The following ITPR2 variants were observed in gnomAD, a reference collection of about 807,000 sequenced individuals.
The protein encoded by ITPR2 is inositol 1,4,5-trisphosphate receptor type 2.
In ITPR2, 207 loss-of-function variants were observed where a neutral mutation model predicts 317.1. The observed-to-expected ratio is 0.65, with a 90% CI of 0.58 to 0.73. The LOEUF is 0.73. Ranked by LOEUF, ITPR2 falls within the 30% of genes least tolerant of loss-of-function variation. The pLI, the probability that ITPR2 is intolerant of heterozygous loss-of-function variation, is 0.00. For missense variants in ITPR2, 2,613 were observed against 3,284.0 expected, an observed-to-expected ratio of 0.80 and a Z score of 4.99; for synonymous variants, 1,156 against 1,149.1, an observed-to-expected ratio of 1.01 and a Z score of -0.12.
chr12:26,425,707 A>G (rs1322961175), intron 49 of ITPR2, among the ~76,000 whole-genome samples: 2 of 151,702 alleles, frequency 1.3e-5, no homozygotes, highest in African/African-American at 2.4e-5. Flanking sequence ...GGTAGACCAC[A>G]ATGTATCATT....
chr12:26,658,017 T>G lies in ITPR2; in HGVS notation c.2000A>C (p.Gln667Pro), dbSNP rs1459368441. The G allele has an allele frequency of 5.6e-6, 9 of 1,610,348 alleles. No homozygotes were observed. Among genetic ancestry groups the G allele is most frequent in the Non-Finnish European group, 7.6e-6 (9 of 1,178,880 alleles). ...LSPGNADILI[Q>P]TKVVSMQADN... ...ATCCATTATCTGGGCTTACTTAGTT[T>G]GAATGAGAATGTCTGCATTGCCTGG... Residue 667 changes from glutamine to proline, a missense_variant, in exon 17 of 57, where the codon CAA becomes CCA. Around this residue, in one of 9 missense-constraint regions of ITPR2, gnomAD observed 817 missense variants for 897.6 expected, o/e 0.91. Coordinates refer to ENST00000381340, the MANE Select transcript of ITPR2 (RefSeq NM_002223.4).
intron 2 of ITPR2, among the ~76,000 whole-genome samples, chr12:26,786,447 A>G (rs1184877526): frequency 1.8e-5 from 1 of 54,550 alleles, no homozygotes; most frequent in Non-Finnish European, 4.1e-5. Context: ...AAGAATGATC[A>G]ATAAAAAAAA....
intron 52 of ITPR2, among the ~76,000 whole-genome samples, chr12:26,410,904 T>A (rs568390345): frequency 6.6e-6 from 1 of 152,274 alleles, no homozygotes; most frequent in East Asian, 1.9e-4. Context: ...TCCAGGAAAT[T>A]TGCATAACTT....
chr12:26,695,660 C>A lies in ITPR2; in HGVS notation c.952-10G>T, dbSNP rs892401347. On this transcript the variant is annotated splice_polypyrimidine_tract_variant and intron_variant, in intron 9 of 56. Transcript: ENST00000381340. ...GATAATCAGGATTAAGCTAGAAAAA[C>A]AAAGGAAAATTTAGTTTTTCATTGC... The A allele has an allele frequency of 1.9e-6, 3 of 1,609,358 alleles. No individual in the cohort carries two copies. Among genetic ancestry groups the A allele is most frequent in the Non-Finnish European group, 2.6e-6 (3 of 1,176,356 alleles).
intron 2 of ITPR2, among the ~76,000 whole-genome samples, chr12:26,748,404 C>A (rs1316601759): frequency 6.6e-6 from 1 of 152,094 alleles, no homozygotes; most frequent in African/African-American, 2.4e-5. Context: ...TATACTATTA[C>A]CAAGAAATCA....
chr12:26,424,573 G>A (rs1282066356), intron 49 of ITPR2, among the ~76,000 whole-genome samples: 1 of 121,152 alleles, frequency 8.3e-6, no homozygotes, highest in East Asian at 2.5e-4. Context: ...TTTGGTTTTT[G>A]TTTTCGTTTT....
chr12:26,569,101 A>G (rs1320592340), intron 34 of ITPR2, among the ~76,000 whole-genome samples: 1 of 152,202 alleles, frequency 6.6e-6, no homozygotes, highest in Non-Finnish European at 1.5e-5. Context: ...AAACACAAAG[A>G]GACAAACCAA....
At chr12:26,768,994 A>AACACACACACACACACACAC (rs143843238) in intron 2 of ITPR2, among the ~76,000 whole-genome samples, 3 of 96,782 alleles carry the variant, frequency 3.1e-5, no homozygotes, top group Admixed American at 9.1e-5. Context: ...CATCCAGTAG[A>AACACACACACACACACACAC]ACACACACAC....
intron 55 of ITPR2, among the ~76,000 whole-genome samples, chr12:26,354,137 G>A (rs991190593): frequency 6.6e-6 from 1 of 152,112 alleles, no homozygotes. Context: ...AGCCAGGCAT[G>A]GTGGCAGGTG....
chr12:26,494,220 T>G lies in ITPR2; in HGVS notation c.5303A>C (p.Asp1768Ala). 1.2e-6 allele frequency: 2 copies of G among 1,613,404 alleles called. No homozygotes were observed. Among genetic ancestry groups the G allele is most frequent in the Non-Finnish European group, 8.5e-7 (1 of 1,179,678 alleles). The change falls in exon 39 of 57, where the codon GAC becomes GCC. Residue 1768 changes from aspartate (D) to alanine (A), a missense_variant. Physicochemically the swap from Asp to Ala is moderately radical, Grantham distance 126 (BLOSUM62 -2). Transcript: ENST00000381340. ...GAAAATGCCTTCTGAAAAAATTCTG[T>G]CATTTTTGGTGTTCACTATAACATC... ...VIDVIVNTKN[D>A]RIFSEGIFLG...
chr12:26,817,889 C>A (rs184550052), intron 1 of ITPR2, among the ~76,000 whole-genome samples: 1 of 152,258 alleles, frequency 6.6e-6, no homozygotes, highest in East Asian at 1.9e-4. Flanking sequence ...GCAGTAAATC[C>A]TTCCTTAAAA....
At chr12:26,781,444 C>T (rs1480870955) in intron 2 of ITPR2, among the ~76,000 whole-genome samples, 3 of 152,150 alleles carry the variant, frequency 2.0e-5, no homozygotes, top group Admixed American at 2.0e-4. Context: ...TTATTGACCT[C>T]ATATCAGCAT....
At chr12:26,467,230 A>G (rs931023701) in intron 45 of ITPR2, among the ~76,000 whole-genome samples, 3 of 152,206 alleles carry the variant, frequency 2.0e-5, no homozygotes, top group South Asian at 4.1e-4. Flanking sequence ...AGTTATTAGA[A>G]ACAGAATTTT....
chr12:26,481,181 C>A lies in ITPR2; in HGVS notation c.6073G>T (p.Asp2025Tyr). The change falls in exon 43 of 57, where the codon GAC (aspartate) becomes TAC (tyrosine). Residue 2025 changes from aspartate (D) to tyrosine (Y), a missense_variant. Transcript: ENST00000381340. ...CGGTATTTACCAAGAGGGTTTATGT[C>A]ATTCAGAATCAAAGCAATGATGATA... Reference protein sequence around the residue: ...IDIIIALILNDINPLGKYRMD... With the variant: ...IDIIIALILNYINPLGKYRMD... 1 of 1,613,742 alleles carries A rather than the reference C, an allele frequency of 6.2e-7. No individual in the cohort carries two copies. Among genetic ancestry groups the A allele is most frequent in the South Asian group, 1.1e-5 (1 of 91,036 alleles).
intron 9 of ITPR2, among the ~76,000 whole-genome samples, chr12:26,699,027 C>T (rs1054215223): frequency 3.3e-5 from 5 of 151,404 alleles, no homozygotes; most frequent in Non-Finnish European, 1.5e-5. Context: ...AAAATCCATC[C>T]TAAAATTTTA....
chr12:26,589,332 G>A (rs1159334573), intron 32 of ITPR2, among the ~76,000 whole-genome samples: 1 of 151,868 alleles, frequency 6.6e-6, no homozygotes, highest in Non-Finnish European at 1.5e-5. Flanking sequence ...ATGCCAATAG[G>A]AAAATGAAAA....
At chr12:26,818,258 C>G (rs906282107) in intron 1 of ITPR2, among the ~76,000 whole-genome samples, 43 of 152,196 alleles carry the variant, frequency 2.8e-4, no homozygotes, top group African/African-American at 9.7e-4. Flanking sequence ...TCTCAGAACT[C>G]CTATGCGACA....
chr12:26,629,415 C>T (rs1432470016), intron 22 of ITPR2, among the ~76,000 whole-genome samples: 1 of 152,058 alleles, frequency 6.6e-6, no homozygotes, highest in African/African-American at 2.4e-5. Flanking sequence ...GGCGAAGTCC[C>T]ATCTCTACAA....
intron 21 of ITPR2, among the ~76,000 whole-genome samples, chr12:26,651,958 C>T (rs1343394956): frequency 1.3e-5 from 2 of 152,182 alleles, no homozygotes; most frequent in East Asian, 3.8e-4. Context: ...TACCTGCAAC[C>T]TTGTTCATCC....
Sources: allele counts gnomAD v4.1 joint callset (sites outside exome capture counted in the v4.1 genomes callset), GRCh38; gene constraint gnomAD v4.1.1; regional missense constraint gnomAD v4.1.1; transcripts MANE v1.5; gene names NCBI Gene and HGNC (gene_info 2026-07-23, HGNC 2026-07-21).